Variants in CAPN7 observed in about 807,000 individuals in gnomAD.
CAPN7 encodes calpain 7.
Under a neutral mutation model 115.2 loss-of-function variants are expected in CAPN7, and 72 were observed. The ratio of observed to expected loss-of-function variants is 0.63; its 90% CI spans 0.52 to 0.76. The LOEUF is 0.76. Ranked by LOEUF, CAPN7 falls within the 30% of genes least tolerant of loss-of-function variation. CAPN7 has a pLI of 0.00. For missense variants in CAPN7, 905 were observed against 971.5 expected, an observed-to-expected ratio of 0.93 and a Z score of 0.91; for synonymous variants, 344 against 322.3, an observed-to-expected ratio of 1.07 and a Z score of -0.72.
chr3:15,210,635 C>T (rs557023976), intron 1 of CAPN7, among the ~76,000 whole-genome samples: 91 of 114,384 alleles, frequency 8.0e-4, no homozygotes, highest in Non-Finnish European at 1.3e-3. Context: ...TACTCTGTCA[C>T]CCAGGCTGGA....
chr3:15,241,710 T>C, intron 15 of CAPN7, 122 bp downstream of exon 15: 7 of 720,596 alleles, frequency 9.7e-6, no homozygotes, highest in Non-Finnish European at 1.5e-5. Flanking sequence ...GAATAGTGTT[T>C]TCTCAGATAA....
At chr3:15,240,640 A>G in intron 13 of CAPN7, 23 bp downstream of exon 13, 1 of 1,574,860 alleles carries the variant, frequency 6.3e-7, no homozygotes, top group Non-Finnish European at 8.6e-7. Flanking sequence ...TTTTAATTTT[A>G]ATACCATTTA....
At chr3:15,226,238 C>G (rs925773449) in intron 6 of CAPN7, among the ~76,000 whole-genome samples, 2 of 151,890 alleles carry the variant, frequency 1.3e-5, no homozygotes, top group Non-Finnish European at 2.9e-5. Context: ...ACACGCCCGA[C>G]TAATTTTGTA....
In CAPN7 at chr3:15,234,086, C is replaced by T. The variant is rs547258397; in HGVS notation, c.1286+113C>T. On this transcript the variant is annotated intron_variant, in intron 11 of 20. Transcript: ENST00000253693. The stretch of plus-strand genomic sequence containing the variant: ...ATCCCAGCACTATGGGAGGCCAAGG[C>T]AGGCAGATGACCTGAGTTTGGGAGT... 7.8e-4 allele frequency: 439 copies of T among 566,132 alleles called. 5 individuals carry two copies. The South Asian group carries it at 9.2e-3, about 12-fold the overall frequency. The allele number at this position is 566,132 out of a possible 1,614,324, so 35.1% of individuals were successfully genotyped here. A position where few individuals can be genotyped will look rare whatever the true frequency, so the allele number is the denominator to read the frequency against.
chr3:15,213,533 A>G (rs987555301), intron 2 of CAPN7, among the ~76,000 whole-genome samples: 6 of 152,352 alleles, frequency 3.9e-5, no homozygotes, highest in Middle Eastern at 3.4e-3. Context: ...ATATTATTCC[A>G]GGAGTAGAAT....
intron 2 of CAPN7, among the ~76,000 whole-genome samples, chr3:15,212,998 T>C (rs905597162): frequency 6.6e-6 from 1 of 152,220 alleles, no homozygotes; most frequent in Admixed American, 6.5e-5. Context: ...TTCCTTGTTA[T>C]GACAGTTCCC....
Position 15,233,974 on chromosome 3 carries a change from G to T in CAPN7, c.1286+1G>T. 2.0e-6 allele frequency: 3 copies of T among 1,493,014 alleles called. No individual in the cohort carries two copies. Among genetic ancestry groups the T allele is most frequent in the Non-Finnish European group, 1.9e-6 (2 of 1,075,318 alleles). The allele number at this position is 1,493,014 out of a possible 1,614,324, so 92.5% of individuals were successfully genotyped here. A position where few individuals can be genotyped will look rare whatever the true frequency, so the allele number is the denominator to read the frequency against. The stretch of plus-strand genomic sequence containing the variant: ...ATTCTTTCAGAATGCTTTATCAAAG[G>T]TAAACATTTTTCTTTGTTTTATGTG... On this transcript the variant is annotated splice_donor_variant, in intron 11 of 20. Transcript: ENST00000253693. LOFTEE classifies it high-confidence loss of function.
intron 19 of CAPN7, among the ~76,000 whole-genome samples, chr3:15,249,077 T>G (rs1695851826): frequency 6.6e-6 from 1 of 150,956 alleles, no homozygotes; most frequent in Admixed American, 6.6e-5. Flanking sequence ...AGATTGGGCT[T>G]AATTTTGCTT....
At position 15,247,322 on chromosome 3, in the gene CAPN7, A is replaced by T; in HGVS notation, c.2074-5A>T. ...TGTTAATACTAAAACTTTTGTTTTT[A>T]TTAGATTAATGGAAAGTGGAGTGGT... is the stretch of plus-strand genomic sequence containing the variant. On this transcript the variant is annotated splice_region_variant and splice_polypyrimidine_tract_variant and intron_variant, in intron 18 of 20. Coordinates refer to ENST00000253693, the MANE Select transcript of CAPN7 (RefSeq NM_014296.3). 6.5e-7 allele frequency: 1 copy of T among 1,529,172 alleles called. No individual in the cohort carries two copies. The highest frequency in any genetic ancestry group is 8.7e-7 in the Non-Finnish European group (1 of 1,145,546). 94.7% of individuals were successfully genotyped at this position (1,529,172 alleles called of 1,614,324 possible).
chr3:15,241,140 G>T (rs963021376), intron 14 of CAPN7, among the ~76,000 whole-genome samples: 1 of 152,154 alleles, frequency 6.6e-6, no homozygotes, highest in Non-Finnish European at 1.5e-5. Context: ...GGGAGGTGGA[G>T]GTTGCAGTGA....
At chr3:15,234,265 G>A (rs1023631659) in intron 11 of CAPN7, among the ~76,000 whole-genome samples, 1 of 152,122 alleles carries the variant, frequency 6.6e-6, no homozygotes, top group African/African-American at 2.4e-5. Context: ...GTGGTGAGCC[G>A]AGATTGCACC....
At position 15,221,346 on chromosome 3, in the gene CAPN7, A is replaced by ATTT. The variant is rs772108590; in HGVS notation, c.638+389_638+391dup. Among the ~76,000 whole-genome samples, 88 of 104,318 alleles carry ATTT rather than the reference A, an allele frequency of 8.4e-4. 1 individual carries two copies. The highest frequency in any genetic ancestry group is 2.9e-3 in the African/African-American group (77 of 27,014). The allele number at this position is 104,318 out of a possible 152,430, so 68.4% of individuals were successfully genotyped here. On this transcript the variant is annotated intron_variant, in intron 5 of 20. Transcript: ENST00000253693. Reference sequence around the variant, plus strand: ...AGGTGTGTGCCACCACATCTGACTAATTTTTTTTTTTTTTTTTTTTTTTTT... The same window carrying ATTT: ...AGGTGTGTGCCACCACATCTGACTAATTTTTTTTTTTTTTTTTTTTTTTTTTTT...
rs572754082 is a variant in CAPN7 at position 15,227,286 on chromosome 3, T to G, written c.726-553T>G. Among the ~76,000 whole-genome samples the G allele has an allele frequency of 1.9e-3, 284 of 152,320 alleles. 2 individuals are homozygous for G. Among genetic ancestry groups the G allele is most frequent in the African/African-American group, 6.6e-3 (276 of 41,578 alleles). Reference sequence around the variant, plus strand: ...TGCCAGTTCTGCTGTTTCTTAGGTGTCTGACCTTGGTAAGTCATTAATCAC... The same window carrying G: ...TGCCAGTTCTGCTGTTTCTTAGGTGGCTGACCTTGGTAAGTCATTAATCAC... On this transcript the variant is annotated intron_variant, in intron 6 of 20. Coordinates refer to ENST00000253693, the MANE Select transcript of CAPN7 (RefSeq NM_014296.3).
At chr3:15,243,638 A>G (rs1006932437) in intron 16 of CAPN7, among the ~76,000 whole-genome samples, 4 of 152,182 alleles carry the variant, frequency 2.6e-5, no homozygotes, top group Non-Finnish European at 5.9e-5. Context: ...AGCAAAGAAC[A>G]TTTTTCAAGA....
chr3:15,207,331 T>TA (rs879328074), intron 1 of CAPN7, among the ~76,000 whole-genome samples: 2 of 152,316 alleles, frequency 1.3e-5, no homozygotes, highest in Admixed American at 6.5e-5. Context: ...GTGGGGCACT[T>TA]ACCCACAAAA....
intron 5 of CAPN7, among the ~76,000 whole-genome samples, chr3:15,222,179 T>C (rs7627377): frequency 0.059 from 8,950 of 152,086 alleles, 925 homozygotes; most frequent in African/African-American, 0.2. Context: ...TAGCGGGGGT[T>C]ATAGCGTGTC....
Position 15,245,797 on chromosome 3 carries a change from G to A in CAPN7, c.2010+126G>A, listed in dbSNP as rs570142274. The A allele has an allele frequency of 5.6e-5, 37 of 664,246 alleles. No individual in the cohort carries two copies. The African/African-American group carries it at 6.4e-4, about 11-fold the overall frequency. The allele number at this position is 664,246 out of a possible 1,614,324, so 41.1% of individuals were successfully genotyped here. ...AAAATGTATTGCTCTCTTTTTTTGT[G>A]CTTATCATTTTAATAGTAAATTATA... is the stretch of plus-strand genomic sequence containing the variant. On this transcript the variant is annotated intron_variant, in intron 17 of 20. Transcript: ENST00000253693.
In CAPN7 at chr3:15,217,546, A is replaced by G. The variant is rs761072937; in HGVS notation, c.333A>G (p.Glu111=). 1 of 1,613,726 alleles carries G rather than the reference A, an allele frequency of 6.2e-7. No homozygotes were observed. Among genetic ancestry groups the G allele is most frequent in the South Asian group, 1.1e-5 (1 of 91,014 alleles). ...DEKENVEDAI[E]LYTEAVDLCL... ...AAGAGAATGTTGAAGATGCTATAGA[A>G]TTGTACACAGAAGCTGTGGATCTCT... is the stretch of plus-strand genomic sequence containing the variant. The change falls in exon 3 of 21, where the codon GAA becomes GAG. Residue 111 remains glutamate (E), a synonymous_variant. Coordinates refer to ENST00000253693, the MANE Select transcript of CAPN7 (RefSeq NM_014296.3).
At position 15,228,003 on chromosome 3, in the gene CAPN7, G is replaced by A. The variant is rs745784159; in HGVS notation, c.852+38G>A. 4 of 1,360,706 alleles carry A rather than the reference G, an allele frequency of 2.9e-6. No individual in the cohort carries two copies. In the Middle Eastern group the frequency reaches 5.8e-4, roughly 197 times the overall value. 84.3% of individuals were successfully genotyped at this position (1,360,706 alleles called of 1,614,324 possible). ...TTTGTATGATTTTATAGAAAAGTCA[G>A]CATTTTAAAGTAATTTGTGTATAGA... On this transcript the variant is annotated intron_variant, in intron 7 of 20. Coordinates refer to ENST00000253693, the MANE Select transcript of CAPN7 (RefSeq NM_014296.3).
Sources: gnomAD v4.1 joint callset for allele counts (sites outside exome capture counted in the v4.1 genomes callset) on GRCh38, gnomAD v4.1.1 for gene constraint, MANE v1.5 for transcripts, NCBI Gene and HGNC (gene_info 2026-07-23, HGNC 2026-07-21) for gene names.